The following SAMMSON variants were observed in gnomAD, a reference collection of about 807,000 sequenced individuals.
SAMMSON encodes the protein survival associated mitochondrial melanoma specific oncogenic non-coding RNA, also known as long intergenic non-protein coding RNA 1212.
chr3:70,276,725 T>C (rs942797955), intron 6 of SAMMSON, among the ~76,000 whole-genome samples: 4 of 152,250 alleles, frequency 2.6e-5, no homozygotes, highest in African/African-American at 9.6e-5. Context: ...GCCATGCTCA[T>C]TAATTTATGT....
intron 6 of SAMMSON, among the ~76,000 whole-genome samples, chr3:70,259,349 A>G (rs1701844734): frequency 6.6e-6 from 1 of 152,134 alleles, no homozygotes; most frequent in Non-Finnish European, 1.5e-5. Context: ...GAGGATCTAA[A>G]GTGACCTTGA....
At chr3:70,133,527 A>G (rs987204576) in intron 4 of SAMMSON, among the ~76,000 whole-genome samples, 1 of 152,152 alleles carries the variant, frequency 6.6e-6, no homozygotes, top group African/African-American at 2.4e-5. Context: ...GATTGAGCCC[A>G]AAGGGAGGTT....
chr3:70,020,134 G>C (rs2067006055), intron 3 of SAMMSON, among the ~76,000 whole-genome samples: 1 of 152,108 alleles, frequency 6.6e-6, no homozygotes, highest in African/African-American at 2.4e-5. Flanking sequence ...ACTGGGCCGA[G>C]CACCAGTTGC....
In SAMMSON at chr3:70,153,744, T is replaced by A. The variant is rs1223297386; in HGVS notation, n.507+82179T>A. On this transcript the variant is annotated intron_variant and non_coding_transcript_variant, in intron 4 of 9. Coordinates refer to ENST00000642114, the Ensembl canonical transcript of SAMMSON. ...AAGCATACCGTTTTAATCGTACAGT[T>A]CTGTGGCATTCAATGCATTCACACT... 2.0e-5 allele frequency among the ~76,000 whole-genome samples: 3 copies of A among 152,128 alleles called. No homozygotes were observed. The East Asian group carries it at 5.8e-4, about 29-fold the overall frequency.
chr3:70,412,111 G>A (rs918199118), intron 2 of SAMMSON, among the ~76,000 whole-genome samples: 1 of 151,988 alleles, frequency 6.6e-6, no homozygotes, highest in Non-Finnish European at 1.5e-5. Context: ...GCTTTTAAAG[G>A]ACTAATTCAA....
At chr3:70,142,035 A>G (rs1214581921) in intron 4 of SAMMSON, among the ~76,000 whole-genome samples, 1 of 152,166 alleles carries the variant, frequency 6.6e-6, no homozygotes, top group Non-Finnish European at 1.5e-5. Flanking sequence ...AAAATAATAG[A>G]TGTTGGTGTG....
intron 9 of SAMMSON, among the ~76,000 whole-genome samples, chr3:70,371,700 A>T (rs1295653772): frequency 1.3e-5 from 2 of 152,056 alleles, no homozygotes; most frequent in African/African-American, 4.8e-5. Flanking sequence ...TGCAACCTTA[A>T]TAAATTCATT....
chr3:70,155,509 T>C (rs1377111838), intron 4 of SAMMSON, among the ~76,000 whole-genome samples: 2 of 152,094 alleles, frequency 1.3e-5, no homozygotes, highest in Non-Finnish European at 2.9e-5. Flanking sequence ...AAAATTTATG[T>C]TGAAGAAGCA....
intron 4 of SAMMSON, among the ~76,000 whole-genome samples, chr3:70,225,094 A>G (rs1701491321): frequency 6.6e-6 from 1 of 152,194 alleles, no homozygotes; most frequent in Admixed American, 6.5e-5. Flanking sequence ...GAATAAATAT[A>G]TGGTAGATCT....
intron 4 of SAMMSON, among the ~76,000 whole-genome samples, chr3:70,128,449 A>T (rs1283288524): frequency 6.6e-6 from 1 of 152,252 alleles, no homozygotes; most frequent in Admixed American, 6.5e-5. Flanking sequence ...AGCTCCAAAA[A>T]GTCCCAGGTC....
intron 7 of SAMMSON, among the ~76,000 whole-genome samples, chr3:70,310,128 T>C (rs1185897030): frequency 6.6e-6 from 1 of 152,132 alleles, no homozygotes; most frequent in Non-Finnish European, 1.5e-5. Context: ...TCCTTCTACA[T>C]TGTTTTTAAA....
At chr3:70,050,029 C>G (rs766217134) in intron 3 of SAMMSON, among the ~76,000 whole-genome samples, 4 of 151,986 alleles carry the variant, frequency 2.6e-5, no homozygotes, top group Admixed American at 6.6e-5. Context: ...AAATTGCCAG[C>G]AAGGAGGGAA....
intron 1 of SAMMSON, among the ~76,000 whole-genome samples, chr3:70,002,732 T>C (rs1173421116): frequency 6.6e-6 from 1 of 152,188 alleles, no homozygotes; most frequent in African/African-American, 2.4e-5. Context: ...ACATACTCTA[T>C]ATGGTTCCAA....
intron 7 of SAMMSON, among the ~76,000 whole-genome samples, chr3:70,318,201 G>A (rs1336634788): frequency 2.0e-5 from 3 of 151,732 alleles, no homozygotes; most frequent in African/African-American, 7.3e-5. Context: ...TTCAGATATT[G>A]TTTTTCTGTC....
intron 4 of SAMMSON, among the ~76,000 whole-genome samples, chr3:70,160,442 G>A (rs559521957): frequency 2.8e-5 from 4 of 141,342 alleles, no homozygotes; most frequent in African/African-American, 7.8e-5. Context: ...GTTAAAACTC[G>A]AATTGTTTCT....
intron 4 of SAMMSON, among the ~76,000 whole-genome samples, chr3:70,145,526 A>T (rs576723089): frequency 7.9e-5 from 12 of 152,170 alleles, no homozygotes; most frequent in Non-Finnish European, 1.3e-4. Context: ...GTATAAAACC[A>T]GAAACCAATA....
At chr3:70,337,145 T>TTATTAATAATAATATCTAACTTAATATAA (rs1553656717) in intron 7 of SAMMSON, among the ~76,000 whole-genome samples, 2 of 67,730 alleles carry the variant, frequency 3.0e-5, no homozygotes, top group Admixed American at 1.7e-4. Context: ...CTTAATATTA[T>TTATTAATAATAATATCTAACTTAATATAA]TATTAATAAT....
chr3:70,034,893 C>T (rs9860906), intron 3 of SAMMSON, among the ~76,000 whole-genome samples: 7,050 of 152,176 alleles, frequency 0.046, 370 homozygotes, highest in African/African-American at 0.13. Flanking sequence ...TTGTACCCTA[C>T]ACTATTAAGA....
intron 7 of SAMMSON, among the ~76,000 whole-genome samples, chr3:70,319,546 T>C (rs1407852793): frequency 3.9e-5 from 6 of 152,100 alleles, no homozygotes; most frequent in Admixed American, 2.6e-4. Context: ...TCTGTCCTCC[T>C]GTGACGGGCA....
Sources: gnomAD v4.1 joint callset for allele counts (sites outside exome capture counted in the v4.1 genomes callset) on GRCh38, gnomAD v4.1.1 for gene constraint, MANE v1.5 for transcripts, NCBI Gene and HGNC (gene_info 2026-07-23, HGNC 2026-07-21) for gene names.